The following ANO7 variants were observed in gnomAD, a reference collection of about 807,000 sequenced individuals.
ANO7 encodes the protein anoctamin-7.
ANO7 carries 114 observed loss-of-function variants against 115.8 expected under a neutral mutation model. The ratio of observed to expected loss-of-function variants is 0.98; its 90% CI spans 0.85 to 1.15. The LOEUF is 1.15. Ranked by LOEUF, ANO7 falls within the 50% of genes most tolerant of loss-of-function variation. The pLI is 0.00. For missense variants in ANO7, 1,302 were observed against 1,201.2 expected (o/e 1.08, Z -1.24); for synonymous variants, 550 against 498.2 (o/e 1.10, Z -1.38).
chr2:241,214,823 C>T lies in ANO7; in HGVS notation c.1747C>T (p.Leu583=), dbSNP rs1402099275. 1.9e-6 allele frequency: 3 copies of T among 1,612,194 alleles called. No homozygotes were observed. In the East Asian group the frequency reaches 6.7e-5, roughly 36 times the overall value. Reference sequence around the variant, plus strand: ...GCCGTAGTGCGCGGCTGGAGGCTGCCTGATCGAGCTGGCACAGGAGCTCCT... The same window carrying T: ...GCCGTAGTGCGCGGCTGGAGGCTGCTTGATCGAGCTGGCACAGGAGCTCCT... ...RNEECAAGGC[L]IELAQELLVI... The change falls in exon 18 of 25, where the codon CTG becomes TTG. Residue 583 remains leucine (L), a synonymous_variant. Transcript: ENST00000674324.
intron 21 of ANO7, among the ~76,000 whole-genome samples, chr2:241,222,233 CATAA>C (rs59653174): frequency 0.38 from 53,906 of 143,044 alleles, 11,023 homozygotes; most frequent in African/African-American, 0.54. Context: ...GACTCTGTCT[CATAA>C]ATAAATAAAT....
intron 7 of ANO7, 60 bp downstream of exon 7, chr2:241,201,415 A>T (rs2068469362): frequency 6.4e-7 from 1 of 1,560,192 alleles, no homozygotes; most frequent in East Asian, 2.3e-5. Flanking sequence ...GGATCCTGCC[A>T]GCCCCCAGCC....
the ANO7 span, chr2:241,238,564 G>T: frequency 9.2e-7 from 1 of 1,085,352 alleles, no homozygotes; most frequent in Non-Finnish European, 1.3e-6. This position sits in a 1 kb window ranked among gnomAD's most constrained non-coding sequence, Gnocchi z 4.9. Context: ...ACAGGAAAGA[G>T]CCTCACCAGT....
intron 21 of ANO7, among the ~76,000 whole-genome samples, chr2:241,219,526 A>T (rs73114176): frequency 6.6e-6 from 1 of 150,486 alleles, no homozygotes; most frequent in Admixed American, 6.6e-5. Flanking sequence ...ATATATTTCT[A>T]TTATTTTAGG....
rs2302053 is a variant in ANO7, at chr2:241,190,030, A to T, written c.-7-27A>T. On this transcript the variant is annotated intron_variant, in intron 1 of 24. Transcript: ENST00000674324. ...CTCACCCATCCCCTCTCTGACCCCC[A>T]TCCCCACCCGGCCTTGCTGGGTGCA... is the stretch of plus-strand genomic sequence containing the variant. The T allele has an allele frequency of 4.5e-6, 7 of 1,542,010 alleles. No homozygotes were observed. The South Asian group carries it at 8.4e-5, about 18-fold the overall frequency.
chr2:241,195,286 T>C (rs910783181), intron 3 of ANO7, among the ~76,000 whole-genome samples: 4 of 152,200 alleles, frequency 2.6e-5, no homozygotes, highest in Admixed American at 2.6e-4. Context: ...TCCATTGCTG[T>C]CTCATGCCAG....
chr2:241,220,886 A>G (rs941497618), intron 21 of ANO7, among the ~76,000 whole-genome samples: 6 of 145,808 alleles, frequency 4.1e-5, no homozygotes, highest in Admixed American at 2.7e-4. Context: ...CAGGAGGATC[A>G]TTTCAACTCG....
chr2:241,202,105 G>A, intron 7 of ANO7, 89 bp from the exon 8 acceptor site: 2 of 1,107,826 alleles, frequency 1.8e-6, no homozygotes, highest in Admixed American at 4.0e-5. Flanking sequence ...GGCCGTCCAT[G>A]GCCTTGGCCT....
Position 241,224,108 on chromosome 2 carries a change from C to T in ANO7, c.2595C>T (p.His865=), listed in dbSNP as rs2069097924. 4 of 1,614,106 alleles carry T rather than the reference C, an allele frequency of 2.5e-6. No individual in the cohort carries two copies. Among genetic ancestry groups the T allele is most frequent in the Non-Finnish European group, 3.4e-6 (4 of 1,180,012 alleles). ...EQPEGSELSS[H]WTPFTVPKAS... The stretch of plus-strand genomic sequence containing the variant: ...AACCCTCTCCCCAGCTCAGCTCCCA[C>T]TGGACACCCTTCACGGTTCCCAAGG... Residue 865 remains histidine (H), a synonymous_variant, in exon 25 of 25, where the codon CAC becomes CAT. Transcript: ENST00000674324.
chr2:241,226,562 C>CT (rs2069178306), downstream of ANO7, among the ~76,000 whole-genome samples: 2 of 151,982 alleles, frequency 1.3e-5, no homozygotes, highest in Middle Eastern at 3.2e-3. Context: ...GTAGCTGGGA[C>CT]TACAGGCGCC....
intron 3 of ANO7, among the ~76,000 whole-genome samples, chr2:241,191,548 C>T (rs1315089582): frequency 6.6e-6 from 1 of 152,174 alleles, no homozygotes; most frequent in Non-Finnish European, 1.5e-5. Context: ...GCTGTTCAGC[C>T]ACAACTCAGG....
intron 4 of ANO7, among the ~76,000 whole-genome samples, chr2:241,197,798 G>A (rs1353949424): frequency 1.3e-5 from 2 of 151,822 alleles, no homozygotes; most frequent in Admixed American, 1.3e-4. Context: ...TTACAGGTGT[G>A]TACCACCACA....
intron 3 of ANO7, among the ~76,000 whole-genome samples, chr2:241,194,068 T>C (rs2068263515): frequency 6.6e-6 from 1 of 151,942 alleles, no homozygotes; most frequent in South Asian, 2.1e-4. Context: ...AGAGACAGGG[T>C]TTCGCCATGT....
At chr2:241,206,624 G>A (rs2068597415) in intron 10 of ANO7, among the ~76,000 whole-genome samples, 1 of 52,556 alleles carries the variant, frequency 1.9e-5, no homozygotes, top group African/African-American at 9.1e-5. Context: ...GCTGACAGGT[G>A]GACAGGAGTG....
chr2:241,190,590 C>T (rs541271344), intron 2 of ANO7, among the ~76,000 whole-genome samples: 6 of 152,360 alleles, frequency 3.9e-5, no homozygotes, highest in South Asian at 4.1e-4. Context: ...GGCTGGGTCC[C>T]GGGCCTTCAA....
intron 17 of ANO7, 81 bp from the exon 18 acceptor site, chr2:241,214,724 G>A: frequency 1.5e-6 from 2 of 1,344,180 alleles, no homozygotes; most frequent in Admixed American, 3.6e-5. Flanking sequence ...CCGGGATGAG[G>A]GCCAGCTTTG....
intron 6 of ANO7, among the ~76,000 whole-genome samples, chr2:241,200,577 A>G (rs966719789): frequency 2.6e-5 from 4 of 152,170 alleles, no homozygotes; most frequent in African/African-American, 4.8e-5. Context: ...AGCGTCCCCA[A>G]CTGTGGAGGT....
intron 4 of ANO7, chr2:241,196,164 C>T (rs997266503): frequency 1.9e-5 from 24 of 1,282,842 alleles, no homozygotes; most frequent in East Asian, 6.5e-5. Flanking sequence ...TTTGGGTAGG[C>T]GTGTCATTTG....
At chr2:241,189,470 C>T (rs1033971893) in intron 1 of ANO7, among the ~76,000 whole-genome samples, 6 of 152,156 alleles carry the variant, frequency 3.9e-5, no homozygotes, top group Non-Finnish European at 8.8e-5. Context: ...CTAGGAGCCA[C>T]GGCACCTGTC....
Sources: allele counts gnomAD v4.1 joint callset (sites outside exome capture counted in the v4.1 genomes callset), GRCh38; gene constraint gnomAD v4.1.1; non-coding constraint Gnocchi (gnomAD v3.1); transcripts MANE v1.5; gene names NCBI Gene and HGNC (gene_info 2026-07-23, HGNC 2026-07-21).